ZNF446: variants seen among roughly 807,000 people sequenced by gnomAD.
ZNF446 encodes the protein zinc finger protein 446.
ZNF446 carries 42 observed loss-of-function variants against 34.0 expected under a neutral mutation model. That is an observed-to-expected ratio of 1.23 (90% CI 0.96 to 1.60). The LOEUF is 1.60. Ranked by LOEUF, ZNF446 falls within the 40% of genes most tolerant of loss-of-function variation. The pLI is 0.00. For synonymous variants in ZNF446, 315 were observed against 251.0 expected (o/e 1.25, Z -2.41); for missense variants, 650 against 600.2 (o/e 1.08, Z -0.87).
At chr19:58,478,921 T>C (rs2053113459) in intron 4 of ZNF446, among the ~76,000 whole-genome samples, 1 of 152,106 alleles carries the variant, frequency 6.6e-6, no homozygotes, top group Non-Finnish European at 1.5e-5. Flanking sequence ...ATGCCCGAAG[T>C]CCCTTCTCTC....
At chr19:58,478,864 G>A (rs868362986) in intron 4 of ZNF446, among the ~76,000 whole-genome samples, 2 of 151,880 alleles carry the variant, frequency 1.3e-5, no homozygotes, top group South Asian at 4.2e-4. Flanking sequence ...AGCTGTGGCA[G>A]GACTCCCCCC....
rs532954446 is a variant in ZNF446 at position 58,479,545 on chromosome 19, G to A, written c.628-98G>A. 3.0e-6 allele frequency: 4 copies of A among 1,327,218 alleles called. No individual in the cohort carries two copies. The East Asian group carries it at 7.1e-5, about 24-fold the overall frequency. 82.2% of individuals were successfully genotyped at this position (1,327,218 alleles called of 1,614,324 possible). ...AGCAGGAGGGGCAGATGAGGCGTAG[G>A]TAACCTGCTGACTCTTCCGGGTAAT... On this transcript the variant is annotated intron_variant, in intron 4 of 6. Transcript: ENST00000594369.
At position 58,481,224 on chromosome 19, in the gene ZNF446, C is replaced by A. The variant is rs1485309233; in HGVS notation, c.*498C>A. On this transcript the variant is annotated 3_prime_UTR_variant, in exon 7 of 7. Coordinates refer to ENST00000594369, the MANE Select transcript of ZNF446 (RefSeq NM_017908.4). ...AGAATTTTAACATAAATTCCACTTT[C>A]ATAATATGGAGTTTCTGAATAAGAA... The A allele has an allele frequency of 6.4e-6, 1 of 157,194 alleles. No individual in the cohort carries two copies. The highest frequency in any genetic ancestry group is 1.4e-5 in the Non-Finnish European group (1 of 71,168). The allele number at this position is 157,194 out of a possible 1,614,324, so 9.7% of individuals were successfully genotyped here.
the ZNF446 span, among the ~76,000 whole-genome samples, chr19:58,486,464 A>G: frequency 6.8e-6 from 1 of 147,730 alleles, no homozygotes; most frequent in Admixed American, 6.7e-5. Flanking sequence ...CTGGAGTGCA[A>G]TGGGGTAATC....
At position 58,480,914 on chromosome 19, in the gene ZNF446, C is replaced by A; in HGVS notation, c.*188C>A. 1 of 701,840 alleles carries A rather than the reference C, an allele frequency of 1.4e-6. No homozygotes were observed. The allele number at this position is 701,840 out of a possible 1,614,324, so 43.5% of individuals were successfully genotyped here. A position where few individuals can be genotyped will look rare whatever the true frequency, so the allele number is the denominator to read the frequency against. On this transcript the variant is annotated 3_prime_UTR_variant, in exon 7 of 7. Coordinates refer to ENST00000594369, the MANE Select transcript of ZNF446 (RefSeq NM_017908.4). The surrounding 1 kb of genome is among the most constrained non-coding windows in gnomAD (Gnocchi z 7.2). ...GGGTGCAAGGAAAAGGAGCTGCTCT[C>A]TCTCTTCTTGCCCCTGCCTCCTAGA...
At position 58,477,408 on chromosome 19, in the gene ZNF446, C is replaced by T. The variant is rs2053097349; in HGVS notation, c.190C>T (p.Gln64Ter). The T allele has an allele frequency of 3.1e-6, 5 of 1,613,444 alleles. No individual in the cohort carries two copies. Among genetic ancestry groups the T allele is most frequent in the Non-Finnish European group, 4.2e-6 (5 of 1,180,022 alleles). Residue 64 changes from glutamine (Q) to a stop codon, truncating the protein, a stop_gained, in exon 2 of 7, where the codon CAG (glutamine) becomes TAG (stop). Transcript: ENST00000594369. LOFTEE classifies it high-confidence loss of function. ...WLQPEAHSKE[Q>*]MLEMLVLEQF... ...GCAGCCTGAGGCACACTCCAAGGAG[C>T]AGATGCTGGAGATGCTGGTGCTGGA...
At position 58,479,923 on chromosome 19, in the gene ZNF446, C is replaced by T. The variant is rs201874590; in HGVS notation, c.713-7C>T. On this transcript the variant is annotated splice_region_variant and splice_polypyrimidine_tract_variant and intron_variant, in intron 5 of 6. Coordinates refer to ENST00000594369, the MANE Select transcript of ZNF446 (RefSeq NM_017908.4). The stretch of plus-strand genomic sequence containing the variant: ...CCCATGCCTAACTGTGCCCCCCACC[C>T]GGGCAGGGTTACCGCCCCACCAGCC... 519 of 1,564,908 alleles carry T rather than the reference C, an allele frequency of 3.3e-4. No homozygotes were observed. The highest frequency in any genetic ancestry group is 5.1e-4 in the Admixed American group (27 of 53,142).
chr19:58,489,497 ACTGAT>A, the ZNF446 span, among the ~76,000 whole-genome samples: 1 of 152,064 alleles, frequency 6.6e-6, no homozygotes, highest in African/African-American at 2.4e-5. Context: ...GCTCAGGGAG[ACTGAT>A]CTGAGTGATA....
chr19:58,485,546 G>C (rs906217474), downstream of ZNF446, among the ~76,000 whole-genome samples: 1 of 152,004 alleles, frequency 6.6e-6, no homozygotes, highest in Non-Finnish European at 1.5e-5. Flanking sequence ...CACAGGAGTG[G>C]ACAACTAGGT....
Position 58,477,559 on chromosome 19 carries a change from G to A in ZNF446, c.341G>A (p.Trp114Ter). 2 of 1,612,230 alleles carry A rather than the reference G, an allele frequency of 1.2e-6. No homozygotes were observed. Among genetic ancestry groups the A allele is most frequent in the Non-Finnish European group, 1.7e-6 (2 of 1,179,048 alleles). ...CATGACCCTGGGCAACTGTTGGGCTGGGTGAGTGTGGCTGGCATCAGCTTC... is the reference window on the plus strand; with the variant it reads ...CATGACCCTGGGCAACTGTTGGGCTAGGTGAGTGTGGCTGGCATCAGCTTC... ...LQHDPGQLLG[W>*]ITAHVLKQEV... Residue 114 changes from tryptophan to a stop codon, truncating the protein, a stop_gained and splice_region_variant, in exon 2 of 7, where the codon TGG becomes TAG. Coordinates refer to ENST00000594369, the MANE Select transcript of ZNF446 (RefSeq NM_017908.4). LOFTEE classifies it high-confidence loss of function.
At position 58,480,050 on chromosome 19, in the gene ZNF446, AC is replaced by A; in HGVS notation, c.802+35del. ...TGCCCCACACCATCCAGCCTGAATC[AC>A]CCCTCCTGTATCGGTGGGACCTGAG... On this transcript the variant is annotated intron_variant, in intron 6 of 6. Coordinates refer to ENST00000594369, the MANE Select transcript of ZNF446 (RefSeq NM_017908.4). The surrounding 1 kb of genome is among the most constrained non-coding windows in gnomAD (Gnocchi z 7.2). The A allele has an allele frequency of 6.4e-7, 1 of 1,563,986 alleles. No individual in the cohort carries two copies.
chr19:58,483,144 A>T (rs1398169127), downstream of ZNF446, among the ~76,000 whole-genome samples: 1 of 151,872 alleles, frequency 6.6e-6, no homozygotes, highest in Admixed American at 6.6e-5. Flanking sequence ...CCACGAGTTC[A>T]AGACCAATCT....
Position 58,477,559 on chromosome 19 carries a change from G to T in ZNF446, c.341G>T (p.Trp114Leu). The stretch of plus-strand genomic sequence containing the variant: ...CATGACCCTGGGCAACTGTTGGGCT[G>T]GGTGAGTGTGGCTGGCATCAGCTTC... ...LQHDPGQLLG[W>L]ITAHVLKQEV... The change falls in exon 2 of 7, where the codon TGG (tryptophan) becomes TTG (leucine). Residue 114 changes from tryptophan to leucine, a missense_variant and splice_region_variant. Coordinates refer to ENST00000594369, the MANE Select transcript of ZNF446 (RefSeq NM_017908.4). 1 of 1,612,230 alleles carries T rather than the reference G, an allele frequency of 6.2e-7. No individual in the cohort carries two copies.
rs773970802 is a variant in ZNF446, at chr19:58,479,693, G to A, written c.678G>A (p.Ala226=). ...CACAGAAGGAACTGTACTGGGATGC[G>A]ATGCTGGAGAAGTACGGCACAGTGG... The part of the protein sequence containing the change: ...DRSQKELYWD[A]MLEKYGTVVS... The change falls in exon 5 of 7, where the codon GCG becomes GCA. Residue 226 remains alanine, a synonymous_variant. Transcript: ENST00000594369. 42 of 1,613,634 alleles carry A rather than the reference G, an allele frequency of 2.6e-5. No individual in the cohort carries two copies. The Admixed American group carries it at 4.5e-4, about 17-fold the overall frequency.
chr19:58,485,769 A>G (rs576840261), downstream of ZNF446, among the ~76,000 whole-genome samples: 1 of 150,942 alleles, frequency 6.6e-6, no homozygotes, highest in Non-Finnish European at 1.5e-5. Flanking sequence ...TGGTAGAGAC[A>G]GGGTCTCAAT....
chr19:58,482,438 C>T (rs997443600), downstream of ZNF446, among the ~76,000 whole-genome samples: 2 of 152,108 alleles, frequency 1.3e-5, no homozygotes, highest in Admixed American at 1.3e-4. Context: ...CACTCTTCTC[C>T]TTCCTACTCT....
In ZNF446 at chr19:58,480,283, G is replaced by C; in HGVS notation, c.910G>C (p.Val304Leu). 6.3e-7 allele frequency: 1 copy of C among 1,577,618 alleles called. No homozygotes were observed. Residue 304 changes from valine (V) to leucine (L), a missense_variant, in exon 7 of 7, where the codon GTG becomes CTG. Physicochemically the swap from Val to Leu is conservative, Grantham distance 32 (BLOSUM62 1). Transcript: ENST00000594369. This position sits in a 1 kb window ranked among gnomAD's most constrained non-coding sequence, Gnocchi z 7.2. ...TGGGGCTGCCACTCCTGCCCCCACT[G>C]TGCGCCCAGGGACACCGCCAGTGCC... ...LSGAATPAPT[V>L]RPGTPPVPTQ...
downstream of ZNF446, among the ~76,000 whole-genome samples, chr19:58,485,522 T>TA (rs1390740996): frequency 2.0e-5 from 3 of 151,656 alleles, no homozygotes; most frequent in Non-Finnish European, 4.4e-5. Flanking sequence ...AAAAATAAAA[T>TA]ATTGTGGTAT....
chr19:58,477,840 C>T lies in ZNF446; in HGVS notation c.532+14C>T. ...GACAGGAAGTGGGTGAGGTTGGGGT[C>T]CCACCAGAGATGAGGGACTCCTGGA... On this transcript the variant is annotated intron_variant, in intron 3 of 6. Transcript: ENST00000594369. The T allele has an allele frequency of 6.5e-7, 1 of 1,530,048 alleles. No individual in the cohort carries two copies. The highest frequency in any genetic ancestry group is 8.8e-7 in the Non-Finnish European group (1 of 1,141,616). 94.8% of individuals were successfully genotyped at this position (1,530,048 alleles called of 1,614,324 possible).
Sources: gnomAD v4.1 joint callset for allele counts (sites outside exome capture counted in the v4.1 genomes callset) on GRCh38, gnomAD v4.1.1 for gene constraint, Gnocchi (gnomAD v3.1) non-coding constraint, MANE v1.5 for transcripts, NCBI Gene and HGNC (gene_info 2026-07-23, HGNC 2026-07-21) for gene names.